MRTFA: variants seen among roughly 807,000 people sequenced by gnomAD.
The protein encoded by MRTFA is myocardin-related transcription factor A.
Under a neutral mutation model 83.5 loss-of-function variants are expected in MRTFA, and 20 were observed. The observed-to-expected ratio is 0.24, with a 90% CI of 0.17 to 0.35. MRTFA has a LOEUF of 0.35. Ranked by LOEUF, MRTFA falls within the 10% of genes least tolerant of loss-of-function variation. The pLI is 1.00. For missense variants in MRTFA, 1,200 were observed against 1,224.7 expected, an observed-to-expected ratio of 0.98 and a Z score of 0.30; for synonymous variants, 659 against 541.2, an observed-to-expected ratio of 1.22 and a Z score of -3.02.
chr22:40,635,857 G>A (rs1436350082), intron 1 of MRTFA, among the ~76,000 whole-genome samples: 2 of 152,160 alleles, frequency 1.3e-5, no homozygotes, highest in Admixed American at 6.5e-5. Flanking sequence ...TGGCAGGTTT[G>A]GGAGTCGACT....
At chr22:40,442,206 C>T (rs887017154) in intron 4 of MRTFA, among the ~76,000 whole-genome samples, 1 of 152,174 alleles carries the variant, frequency 6.6e-6, no homozygotes, top group Non-Finnish European at 1.5e-5. Context: ...TATTAAGTGT[C>T]TAGGTCTGAA....
At chr22:40,570,133 G>GT (rs762551481) in intron 2 of MRTFA, among the ~76,000 whole-genome samples, 6 of 152,152 alleles carry the variant, frequency 3.9e-5, no homozygotes, top group Non-Finnish European at 8.8e-5. Context: ...CTTCTTCCCA[G>GT]TAAAAGAATA....
intron 1 of MRTFA, among the ~76,000 whole-genome samples, chr22:40,607,853 A>G (rs2056336606): frequency 6.6e-6 from 1 of 152,226 alleles, no homozygotes; most frequent in South Asian, 2.1e-4. Context: ...TTGCTTCAGA[A>G]AAATTCTTTA....
At chr22:40,446,872 A>T (rs1384880149) in intron 4 of MRTFA, among the ~76,000 whole-genome samples, 1 of 152,176 alleles carries the variant, frequency 6.6e-6, no homozygotes, top group African/African-American at 2.4e-5. Flanking sequence ...CATGTGTCGG[A>T]CCCTGTTTTA....
At chr22:40,578,326 A>T (rs556089413) in intron 2 of MRTFA, among the ~76,000 whole-genome samples, 1 of 152,332 alleles carries the variant, frequency 6.6e-6, no homozygotes, top group Admixed American at 6.5e-5. Context: ...ACTGCTCTGG[A>T]GGAAAGTCAA....
intron 2 of MRTFA, among the ~76,000 whole-genome samples, chr22:40,582,667 C>T (rs541658727): frequency 1.4e-4 from 15 of 105,918 alleles, no homozygotes; most frequent in African/African-American, 6.3e-4. Context: ...TACACACATA[C>T]ACACACACAC....
intron 1 of MRTFA, among the ~76,000 whole-genome samples, chr22:40,616,402 G>T (rs780574024): frequency 5.3e-5 from 8 of 152,220 alleles, no homozygotes; most frequent in Non-Finnish European, 7.3e-5. Flanking sequence ...CTTCAGTGTG[G>T]AGAATTGACT....
intron 2 of MRTFA, among the ~76,000 whole-genome samples, chr22:40,564,302 C>T (rs2055671522): frequency 6.6e-6 from 1 of 152,106 alleles, no homozygotes; most frequent in Non-Finnish European, 1.5e-5. Context: ...TTTGGGTTTC[C>T]ATTAGGTACA....
intron 11 of MRTFA, 115 bp from the exon 12 acceptor site, chr22:40,419,499 A>C: frequency 6.9e-6 from 6 of 873,958 alleles, no homozygotes; most frequent in Non-Finnish European, 8.9e-6. Context: ...AACTACCCTA[A>C]TCCTCCAGCA....
intron 3 of MRTFA, among the ~76,000 whole-genome samples, chr22:40,487,990 T>C (rs1175742371): frequency 6.6e-6 from 1 of 152,112 alleles, no homozygotes; most frequent in African/African-American, 2.4e-5. Context: ...AACTTAAACC[T>C]ATCACACACA....
At position 40,531,434 on chromosome 22, in the gene MRTFA, C is replaced by T. The variant is rs146743353; in HGVS notation, c.241+20672G>A. On this transcript the variant is annotated intron_variant, in intron 3 of 14. Transcript: ENST00000355630. Reference sequence around the variant, plus strand: ...ACATGAACATGTCTCACCAAAACCCCCAAGCTCCAAATATTCAAATGAAAA... The same window carrying T: ...ACATGAACATGTCTCACCAAAACCCTCAAGCTCCAAATATTCAAATGAAAA... Among the ~76,000 whole-genome samples the T allele has an allele frequency of 3.8e-3, 582 of 152,046 alleles. 3 individuals are homozygous for T. The highest frequency in any genetic ancestry group is 5.8e-3 in the Non-Finnish European group (391 of 67,970).
intron 1 of MRTFA, among the ~76,000 whole-genome samples, chr22:40,623,355 T>G (rs1017293039): frequency 6.6e-6 from 1 of 152,042 alleles, no homozygotes; most frequent in African/African-American, 2.4e-5. Flanking sequence ...AGTTTTAGGG[T>G]ACATGTGCAC....
intron 1 of MRTFA, among the ~76,000 whole-genome samples, chr22:40,631,051 A>C (rs1033873899): frequency 6.6e-6 from 1 of 152,322 alleles, no homozygotes; most frequent in East Asian, 1.9e-4. Flanking sequence ...CAAGATGGTA[A>C]GAGACACCCT....
intron 1 of MRTFA, among the ~76,000 whole-genome samples, chr22:40,628,646 T>C (rs56108505): frequency 0.082 from 12,347 of 150,764 alleles, 740 homozygotes; most frequent in East Asian, 0.25. Flanking sequence ...GAAGTAAAAA[T>C]GTGGAAGTAA....
intron 3 of MRTFA, among the ~76,000 whole-genome samples, chr22:40,511,163 C>A (rs561004904): frequency 6.2e-4 from 94 of 152,032 alleles, no homozygotes; most frequent in Non-Finnish European, 8.7e-4. Flanking sequence ...CCCCTGAAAC[C>A]ACAGAGAAAA....
At chr22:40,530,048 G>A (rs1298292425) in intron 3 of MRTFA, among the ~76,000 whole-genome samples, 1 of 152,126 alleles carries the variant, frequency 6.6e-6, no homozygotes, top group African/African-American at 2.4e-5. Context: ...TGGGACCAAA[G>A]CATACCTAAG....
chr22:40,592,520 A>T (rs1602472668), intron 2 of MRTFA, among the ~76,000 whole-genome samples: 1 of 143,846 alleles, frequency 7.0e-6, no homozygotes. Context: ...ACAGGGTCTC[A>T]CTCTGTCACC....
At chr22:40,508,504 TC>T in intron 3 of MRTFA, among the ~76,000 whole-genome samples, 1 of 101,270 alleles carries the variant, frequency 9.9e-6, no homozygotes, top group Non-Finnish European at 1.8e-5. Context: ...AGAGACAGAC[TC>T]CGTCTCTCAA....
At chr22:40,538,167 C>T (rs2147289121) in intron 3 of MRTFA, among the ~76,000 whole-genome samples, 1 of 38,536 alleles carries the variant, frequency 2.6e-5, no homozygotes, top group African/African-American at 1.2e-4. Flanking sequence ...CGGATGGTTG[C>T]CGTGTCTGTG....
Sources: allele counts gnomAD v4.1 joint callset (sites outside exome capture counted in the v4.1 genomes callset), GRCh38; gene constraint gnomAD v4.1.1; transcripts MANE v1.5; gene names NCBI Gene and HGNC (gene_info 2026-07-23, HGNC 2026-07-21).